Variants in MYO18B observed in about 807,000 individuals in gnomAD.
MYO18B encodes the protein myosin XVIIIB, also known as unconventional myosin-XVIIIb.
Under a neutral mutation model 273.0 loss-of-function variants are expected in MYO18B, and 204 were observed. That is an observed-to-expected ratio of 0.75 (90% CI 0.67 to 0.84). The LOEUF is 0.84. Among genes scored for constraint, MYO18B ranks in the 40% least tolerant of loss-of-function variants. The pLI is 0.00. For missense variants in MYO18B, 3,212 were observed against 3,287.6 expected, an observed-to-expected ratio of 0.98 and a Z score of 0.56; for synonymous variants, 1,330 against 1,305.7, an observed-to-expected ratio of 1.02 and a Z score of -0.40.
intron 43 of MYO18B, among the ~76,000 whole-genome samples, chr22:26,028,856 C>G (rs1260776124): frequency 6.8e-6 from 1 of 147,384 alleles, no homozygotes; most frequent in Non-Finnish European, 1.5e-5. Flanking sequence ...CCACTGCACT[C>G]CAGCCTGGGC....
At chr22:25,801,715 C>T (rs942541446) in intron 12 of MYO18B, among the ~76,000 whole-genome samples, 6 of 152,178 alleles carry the variant, frequency 3.9e-5, no homozygotes, top group African/African-American at 1.4e-4. Flanking sequence ...TTCCTGGGGC[C>T]ATTGTGCTGA....
intron 40 of MYO18B, among the ~76,000 whole-genome samples, chr22:25,994,668 A>G (rs1443410252): frequency 6.6e-6 from 1 of 152,210 alleles, no homozygotes; most frequent in Non-Finnish European, 1.5e-5. Flanking sequence ...TTTCCAGCTC[A>G]TGGTTGCATT....
At chr22:25,798,182 G>A in intron 12 of MYO18B, 85 bp downstream of exon 12, 1 of 1,442,482 alleles carries the variant, frequency 6.9e-7, no homozygotes. Context: ...CGGAGCGGTG[G>A]GAACAGGGTC....
chr22:25,969,569 A>G (rs912655187), intron 39 of MYO18B, among the ~76,000 whole-genome samples: 5 of 152,238 alleles, frequency 3.3e-5, no homozygotes, highest in Non-Finnish European at 7.3e-5. Flanking sequence ...CATTTGGCCT[A>G]CAAAGTCCAA....
At chr22:26,000,971 A>G (rs778950976) in intron 40 of MYO18B, among the ~76,000 whole-genome samples, 1 of 116,790 alleles carries the variant, frequency 8.6e-6, no homozygotes, top group South Asian at 2.4e-4. Flanking sequence ...CATCTTTTTT[A>G]TTTGTCCTTG....
Position 26,026,978 on chromosome 22 carries a change from G to A in MYO18B, c.7004G>A (p.Gly2335Glu), listed in dbSNP as rs1936294552. The change falls in exon 43 of 44, where the codon GGG (glycine) becomes GAG (glutamate). Residue 2335 changes from glycine (G) to glutamate (E), a missense_variant. By Grantham distance (98) the Gly-to-Glu change is moderately conservative (BLOSUM62 -2). Coordinates refer to ENST00000335473, the MANE Select transcript of MYO18B (RefSeq NM_032608.7). ...SLKCISSDGV[G>E]GTTLLPEKSK... ...AAATGCATCTCTTCAGACGGTGTTG[G>A]GGGCACAACCCTACTCCCCGAAAAG... 1.2e-6 allele frequency: 2 copies of A among 1,613,900 alleles called. No individual in the cohort carries two copies. The highest frequency in any genetic ancestry group is 8.5e-7 in the Non-Finnish European group (1 of 1,179,890).
intron 11 of MYO18B, among the ~76,000 whole-genome samples, chr22:25,786,998 G>A (rs1167212752): frequency 6.6e-6 from 1 of 152,168 alleles, no homozygotes; most frequent in African/African-American, 2.4e-5. Flanking sequence ...CAGATCACCT[G>A]AGGTGAGGAG....
At chr22:26,004,237 G>A (rs774091579) in intron 41 of MYO18B, among the ~76,000 whole-genome samples, 21 of 149,836 alleles carry the variant, frequency 1.4e-4, no homozygotes, top group Non-Finnish European at 2.7e-4. Flanking sequence ...TTTCTGTGCC[G>A]CTTTCAGAAT....
chr22:25,754,648 C>T (rs2146554741), intron 1 of MYO18B, among the ~76,000 whole-genome samples: 1 of 152,330 alleles, frequency 6.6e-6, no homozygotes, highest in South Asian at 2.1e-4. Flanking sequence ...CTTAAAACAG[C>T]AGCTGACGAG....
chr22:25,951,316 T>G (rs559979086), intron 37 of MYO18B, among the ~76,000 whole-genome samples: 3 of 152,316 alleles, frequency 2.0e-5, no homozygotes, highest in African/African-American at 7.2e-5. Flanking sequence ...GGAAACTGTT[T>G]CCTTCATTCT....
chr22:25,861,978 A>G lies in MYO18B; in HGVS notation c.3886-6342A>G, dbSNP rs529499002. Among the ~76,000 whole-genome samples, 91 of 152,342 alleles carry G rather than the reference A, an allele frequency of 6.0e-4. No homozygotes were observed. The Middle Eastern group carries it at 0.014, about 23-fold the overall frequency. ...TTCTATATCCATGAACTGAACCAAC[A>G]ACTGACTGAAAATATTTGGAAAAAA... is the stretch of plus-strand genomic sequence containing the variant. On this transcript the variant is annotated intron_variant, in intron 21 of 43. Coordinates refer to ENST00000335473, the MANE Select transcript of MYO18B (RefSeq NM_032608.7).
intron 39 of MYO18B, among the ~76,000 whole-genome samples, chr22:25,959,589 A>C (rs1260202581): frequency 3.9e-5 from 6 of 152,104 alleles, no homozygotes; most frequent in African/African-American, 1.4e-4. Context: ...TCATTTTTAG[A>C]ATTCACATCC....
At chr22:25,769,858 TA>T (rs1242560546) in intron 4 of MYO18B, among the ~76,000 whole-genome samples, 1 of 147,712 alleles carries the variant, frequency 6.8e-6, no homozygotes, top group Non-Finnish European at 1.5e-5. Flanking sequence ...ATTTATGTAG[TA>T]TTTTTTTTTT....
chr22:25,943,711 C>CTTTTTTTTT (rs59256754), intron 34 of MYO18B, among the ~76,000 whole-genome samples: 2 of 79,576 alleles, frequency 2.5e-5, no homozygotes, highest in Admixed American at 1.4e-4. Context: ...TCTTTCTTTC[C>CTTTTTTTTT]TTTTTTTTTT....
chr22:25,769,959 G>C, intron 4 of MYO18B, 151 bp from the exon 5 acceptor site: 1 of 774,442 alleles, frequency 1.3e-6, no homozygotes, highest in East Asian at 2.7e-5. Context: ...ACGGGAATCT[G>C]CATTTAAATA....
rs747217812 is a variant in MYO18B, at chr22:25,952,384, C to G, written c.5931C>G (p.Asn1977Lys). 1.2e-6 allele frequency: 2 copies of G among 1,612,898 alleles called. No homozygotes were observed. Among genetic ancestry groups the G allele is most frequent in the Non-Finnish European group, 1.7e-6 (2 of 1,179,616 alleles). Residue 1977 changes from asparagine to lysine, a missense_variant, in exon 38 of 44, where the codon AAC becomes AAG. Coordinates refer to ENST00000335473, the MANE Select transcript of MYO18B (RefSeq NM_032608.7). ...RQEAVICDLE[N>K]KTEFQKVQIK... is the part of the protein sequence containing the mutation. Reference sequence around the variant, plus strand: ...AGGCGGTCATCTGTGACCTAGAGAACAAGACAGAGTTCCAGAAGGTGCAGA... The same window carrying G: ...AGGCGGTCATCTGTGACCTAGAGAAGAAGACAGAGTTCCAGAAGGTGCAGA...
chr22:26,027,722 G>T lies in MYO18B; in HGVS notation c.*12+32G>T. 8 of 1,542,030 alleles carry T rather than the reference G, an allele frequency of 5.2e-6. No homozygotes were observed. The East Asian group carries it at 1.6e-4, about 32-fold the overall frequency. ...GCAACAGGCTGGGGCTATTCTTGGG[G>T]GAATGAGAGTTCACCTTGCAGCCTT... On this transcript the variant is annotated intron_variant, in intron 43 of 43. Transcript: ENST00000335473. The surrounding 1 kb of genome is among the most constrained non-coding windows in gnomAD (Gnocchi z 4.1).
chr22:25,784,903 C>T (rs376551961), intron 10 of MYO18B, among the ~76,000 whole-genome samples: 14 of 152,296 alleles, frequency 9.2e-5, no homozygotes, highest in East Asian at 1.9e-4. Context: ...CAGGATAGCG[C>T]GGAGTCTGGG....
intron 28 of MYO18B, among the ~76,000 whole-genome samples, chr22:25,895,924 G>GT (rs74267232): frequency 0.033 from 4,589 of 141,038 alleles, 177 homozygotes; most frequent in African/African-American, 0.1. Flanking sequence ...ATTGTGGAAT[G>GT]TTTTTTTTTT....
Sources: allele counts gnomAD v4.1 joint callset (sites outside exome capture counted in the v4.1 genomes callset), GRCh38; gene constraint gnomAD v4.1.1; non-coding constraint Gnocchi (gnomAD v3.1); transcripts MANE v1.5; gene names NCBI Gene and HGNC (gene_info 2026-07-23, HGNC 2026-07-21).